Variants in COL18A1 observed in about 807,000 individuals in gnomAD.
COL18A1 encodes the protein collagen type XVIII alpha 1 chain.
Under a neutral mutation model 168.0 loss-of-function variants are expected in COL18A1, and 133 were observed. The observed-to-expected ratio is 0.79, with a 90% CI of 0.69 to 0.91. The LOEUF (loss-of-function observed/expected upper bound fraction) is 0.91. Among genes scored for constraint, COL18A1 ranks in the 40% least tolerant of loss-of-function variants. The probability of loss-of-function intolerance (pLI) is 0.00; values close to 1 mark genes in which losing one functional copy is unlikely to be tolerated. For synonymous variants in COL18A1, 949 were observed against 809.0 expected (o/e 1.17, Z -2.94); for missense variants, 2,126 against 1,925.4 (o/e 1.10, Z -1.95).
intron 16 of COL18A1, 61 bp from the exon 17 acceptor site, chr21:45,487,386 G>T: frequency 1.3e-6 from 2 of 1,587,884 alleles, no homozygotes; most frequent in Non-Finnish European, 1.7e-6. Flanking sequence ...TGCCACCCCA[G>T]GGAGGGGTCC....
intron 33 of COL18A1, 114 bp downstream of exon 33, chr21:45,504,168 C>T (rs781583196): frequency 3.2e-5 from 40 of 1,258,380 alleles, no homozygotes; most frequent in African/African-American, 5.9e-5. Context: ...TTCAGCCCTG[C>T]GAGGGGCGCT....
chr21:45,493,750 G>C, intron 26 of COL18A1, 175 bp downstream of exon 26: 1 of 610,386 alleles, frequency 1.6e-6, no homozygotes, highest in Non-Finnish European at 2.9e-6. Flanking sequence ...CATGTCGGCG[G>C]TTCCGCCGGC....
At chr21:45,417,977 A>AGGT (rs1483846836) in intron 2 of COL18A1, among the ~76,000 whole-genome samples, 3 of 152,202 alleles carry the variant, frequency 2.0e-5, no homozygotes, top group Non-Finnish European at 4.4e-5. Flanking sequence ...CTTTCCTGGG[A>AGGT]GGTGGCCTTG....
chr21:45,474,935 G>C (rs1185439249), intron 4 of COL18A1, among the ~76,000 whole-genome samples: 3 of 152,214 alleles, frequency 2.0e-5, no homozygotes, highest in Non-Finnish European at 4.4e-5. Flanking sequence ...CCATGACAAG[G>C]CTGCGCCCTG....
intron 32 of COL18A1, 172 bp from the exon 33 acceptor site, chr21:45,503,839 A>T (rs1401594874): frequency 2.2e-6 from 1 of 461,968 alleles, no homozygotes; most frequent in Non-Finnish European, 3.8e-6. Flanking sequence ...CACCATTAAC[A>T]AAAACATCAG....
At position 45,473,051 on chromosome 21, in the gene COL18A1, G is replaced by A. The variant is rs139162367; in HGVS notation, c.652-844G>A. On this transcript the variant is annotated intron_variant, in intron 3 of 41. Transcript: ENST00000651438. The surrounding 1 kb of genome is among the most constrained non-coding windows in gnomAD (Gnocchi z 4.0). ...GGCCAGGATGCAGAACCCGCAGTGC[G>A]GCCAGTGGAGCCCCTGGTACTGTGC... Among the ~76,000 whole-genome samples the A allele has an allele frequency of 1.8e-4, 27 of 152,348 alleles. No individual in the cohort carries two copies. Among genetic ancestry groups the A allele is most frequent in the African/African-American group, 6.3e-4 (26 of 41,592 alleles).
At chr21:45,436,831 G>A (rs528097854) in intron 2 of COL18A1, among the ~76,000 whole-genome samples, 3 of 151,732 alleles carry the variant, frequency 2.0e-5, no homozygotes, top group South Asian at 2.1e-4. Context: ...CTGTGGCTGG[G>A]GGAGTGCCGT....
At chr21:45,444,120 G>C (rs967650103) in intron 2 of COL18A1, among the ~76,000 whole-genome samples, 4 of 152,184 alleles carry the variant, frequency 2.6e-5, no homozygotes, top group Admixed American at 1.3e-4. Flanking sequence ...GGCCTGGCGT[G>C]GTCGTCCCGT....
rs1164739323 is a variant in COL18A1 at position 45,487,735 on chromosome 21, G to A, written c.1896+226G>A. ...GGGGTGAGGGCCTGGTCTGCAAAGT[G>A]GGAGACACTGTGAGTGGTCAAGACA... On this transcript the variant is annotated intron_variant, in intron 17 of 41. Coordinates refer to ENST00000651438, the MANE Select transcript of COL18A1 (RefSeq NM_001379500.1). 10 of 677,772 alleles carry A rather than the reference G, an allele frequency of 1.5e-5. No homozygotes were observed. In the Admixed American group the frequency reaches 2.0e-4, roughly 14 times the overall value. The allele number at this position is 677,772 out of a possible 1,614,324, so 42.0% of individuals were successfully genotyped here. A position where few individuals can be genotyped will look rare whatever the true frequency, so the allele number is the denominator to read the frequency against.
chr21:45,480,446 C>T (rs760956314), intron 11 of COL18A1, 21 bp from the exon 12 acceptor site: 3 of 1,614,098 alleles, frequency 1.9e-6, no homozygotes, highest in Non-Finnish European at 1.7e-6. Context: ...GGCAACGTGT[C>T]TCTCCGGCTC....
At chr21:45,502,938 G>A (rs2036941611) in intron 32 of COL18A1, 1 of 152,222 alleles carries the variant, frequency 6.6e-6, no homozygotes, top group Non-Finnish European at 1.5e-5. Context: ...TCACCAGATG[G>A]AAGGGCAGTC....
chr21:45,455,866 C>T lies in COL18A1; in HGVS notation c.107-12376C>T, dbSNP rs767745134. On this transcript the variant is annotated intron_variant, in intron 2 of 41. Transcript: ENST00000651438. ...AGGAGAACATTGCCGGTGTCGGAGCCGAGATCCTGAACGTGGCCAAAGGCA... is the reference window on the plus strand; with the variant it reads ...AGGAGAACATTGCCGGTGTCGGAGCTGAGATCCTGAACGTGGCCAAAGGCA... The T allele has an allele frequency of 3.3e-5, 53 of 1,613,002 alleles. No individual in the cohort carries two copies. Among genetic ancestry groups the T allele is most frequent in the African/African-American group, 9.3e-5 (7 of 74,902 alleles).
Position 45,505,824 on chromosome 21 carries a change from T to G in COL18A1, c.3088-14T>G. 6 of 1,368,238 alleles carry G rather than the reference T, an allele frequency of 4.4e-6. No homozygotes were observed. The highest frequency in any genetic ancestry group is 6.1e-6 in the Non-Finnish European group (6 of 990,432). The allele number at this position is 1,368,238 out of a possible 1,614,324, so 84.8% of individuals were successfully genotyped here. A position where few individuals can be genotyped will look rare whatever the true frequency, so the allele number is the denominator to read the frequency against. On this transcript the variant is annotated splice_polypyrimidine_tract_variant and intron_variant, in intron 36 of 41. Transcript: ENST00000651438. Reference sequence around the variant, plus strand: ...CCCCGCCAAGCCCCACACCTCTGCATTTGGTCCCAGCAGGTGAGGCTCTGG... The same window carrying G: ...CCCCGCCAAGCCCCACACCTCTGCAGTTGGTCCCAGCAGGTGAGGCTCTGG...
At chr21:45,446,272 T>C (rs187775568) in intron 2 of COL18A1, among the ~76,000 whole-genome samples, 1 of 152,254 alleles carries the variant, frequency 6.6e-6, no homozygotes, top group Non-Finnish European at 1.5e-5. Flanking sequence ...TCAGTTCCAC[T>C]GCACCGATGC....
At chr21:45,485,097 C>T (rs966856973) in intron 15 of COL18A1, among the ~76,000 whole-genome samples, 7 of 151,460 alleles carry the variant, frequency 4.6e-5, no homozygotes, top group Non-Finnish European at 8.8e-5. Flanking sequence ...AGTCTCCTGC[C>T]TCAGCCTCCC....
chr21:45,482,333 G>A (rs535654633), intron 14 of COL18A1: 103 of 684,078 alleles, frequency 1.5e-4, no homozygotes, highest in South Asian at 9.3e-4. Context: ...AGCCTCTGTC[G>A]GACTGACGCA....
At chr21:45,489,363 G>A in intron 18 of COL18A1, 123 bp from the exon 19 acceptor site, 1 of 794,430 alleles carries the variant, frequency 1.3e-6, no homozygotes. Flanking sequence ...CCTCGGCTCT[G>A]GGCTGGGGGA....
chr21:45,494,756 C>T (rs969191288), intron 27 of COL18A1, 106 bp from the exon 28 acceptor site: 5 of 1,289,040 alleles, frequency 3.9e-6, no homozygotes, highest in African/African-American at 1.5e-5. Context: ...GATGGGTGGC[C>T]CAGGGTGCTG....
intron 2 of COL18A1, among the ~76,000 whole-genome samples, chr21:45,436,018 T>C (rs1032338325): frequency 6.6e-5 from 10 of 152,130 alleles, no homozygotes; most frequent in African/African-American, 2.4e-4. Flanking sequence ...CCCACTGCAG[T>C]CGGCAAGGGG....
Sources: gnomAD v4.1 joint callset for allele counts (sites outside exome capture counted in the v4.1 genomes callset) on GRCh38, gnomAD v4.1.1 for gene constraint, Gnocchi (gnomAD v3.1) non-coding constraint, MANE v1.5 for transcripts, NCBI Gene and HGNC (gene_info 2026-07-23, HGNC 2026-07-21) for gene names.